Variants in TYW1 observed in about 807,000 individuals in gnomAD.
TYW1 encodes the protein S-adenosyl-L-methionine-dependent tRNA 4-demethylwyosine synthase TYW1.
Under a neutral mutation model 96.2 loss-of-function variants are expected in TYW1, and 46 were observed. The observed-to-expected ratio is 0.48, with a 90% CI of 0.38 to 0.61. The LOEUF is 0.61. Ranked by LOEUF, TYW1 falls within the 20% of genes least tolerant of loss-of-function variation. TYW1 has a pLI of 0.00. For missense variants in TYW1, 684 were observed against 909.6 expected, an observed-to-expected ratio of 0.75 and a Z score of 3.19; for synonymous variants, 274 against 323.0, an observed-to-expected ratio of 0.85 and a Z score of 1.63.
At chr7:67,170,976 G>A (rs1276849311) in intron 13 of TYW1, among the ~76,000 whole-genome samples, 1 of 151,960 alleles carries the variant, frequency 6.6e-6, no homozygotes, top group East Asian at 1.9e-4. Context: ...ATTTTTTTTG[G>A]AAGAGTTTGA....
At chr7:67,216,574 A>G (rs1801202840) in intron 15 of TYW1, among the ~76,000 whole-genome samples, 1 of 146,600 alleles carries the variant, frequency 6.8e-6, no homozygotes, top group Non-Finnish European at 1.5e-5. Context: ...ATTTCACTAG[A>G]ATGCTGTTTA....
chr7:67,204,261 T>C (rs1800696344), intron 15 of TYW1, among the ~76,000 whole-genome samples: 1 of 152,176 alleles, frequency 6.6e-6, no homozygotes, highest in South Asian at 2.1e-4. Context: ...TTTTTTGTTA[T>C]GGTCCCACAG....
intron 4 of TYW1, 191 bp downstream of exon 4, chr7:67,009,875 G>A: frequency 1.7e-6 from 1 of 572,648 alleles, no homozygotes; most frequent in Non-Finnish European, 2.9e-6. Context: ...TTCTCACGTG[G>A]TGTGGGGCTT....
At chr7:67,210,325 A>T (rs1402584353) in intron 15 of TYW1, among the ~76,000 whole-genome samples, 1 of 152,172 alleles carries the variant, frequency 6.6e-6, no homozygotes, top group Admixed American at 6.5e-5. Context: ...TTTTCATCAC[A>T]TCATGTCAAG....
intron 14 of TYW1, among the ~76,000 whole-genome samples, chr7:67,190,810 C>T (rs1800182305): frequency 6.6e-6 from 1 of 152,254 alleles, no homozygotes; most frequent in African/African-American, 2.4e-5. Context: ...TATTTATTTT[C>T]TCATCAAACT....
At chr7:67,140,446 CTT>C (rs1798413483) in intron 13 of TYW1, among the ~76,000 whole-genome samples, 1 of 151,894 alleles carries the variant, frequency 6.6e-6, no homozygotes, top group African/African-American at 2.4e-5. Flanking sequence ...AGTTGGTACA[CTT>C]TTAAAAAATG....
chr7:67,104,688 C>G (rs1010203188), intron 12 of TYW1, among the ~76,000 whole-genome samples: 1 of 152,090 alleles, frequency 6.6e-6, no homozygotes, highest in South Asian at 2.1e-4. Context: ...AAGCAAACAC[C>G]TTAGGCAAAT....
intron 13 of TYW1, among the ~76,000 whole-genome samples, chr7:67,176,265 G>A (rs983156884): frequency 4.6e-5 from 7 of 152,126 alleles, no homozygotes; most frequent in African/African-American, 1.7e-4. Context: ...AAATTTTAAA[G>A]GATCTAAATA....
Position 67,238,564 on chromosome 7 carries a change from C to T in TYW1, c.*35C>T, listed in dbSNP as rs1465783447. The T allele has an allele frequency of 1.3e-6, 2 of 1,599,972 alleles. No individual in the cohort carries two copies. The highest frequency in any genetic ancestry group is 1.7e-6 in the Non-Finnish European group (2 of 1,173,408). On this transcript the variant is annotated 3_prime_UTR_variant, in exon 16 of 16. Coordinates refer to ENST00000359626, the MANE Select transcript of TYW1 (RefSeq NM_018264.4). The stretch of plus-strand genomic sequence containing the variant: ...ATTTCAAGGTACTGAAGGACAAAAA[C>T]TTGGATGGCCTCAAAAGGTTCTTGA...
chr7:67,077,910 T>G (rs537738458), intron 10 of TYW1, among the ~76,000 whole-genome samples: 2 of 152,086 alleles, frequency 1.3e-5, no homozygotes, highest in Non-Finnish European at 2.9e-5. Flanking sequence ...CTGTCTTGAG[T>G]TGATTTTTGT....
At chr7:67,175,869 A>G (rs1248122992) in intron 13 of TYW1, among the ~76,000 whole-genome samples, 1 of 152,242 alleles carries the variant, frequency 6.6e-6, no homozygotes, top group East Asian at 1.9e-4. Flanking sequence ...CATACCCACT[A>G]TATTTATCAC....
Position 67,098,595 on chromosome 7 carries a change from G to A in TYW1, c.1439G>A (p.Cys480Tyr). The change falls in exon 12 of 16, where the codon TGT (cysteine) becomes TAT (tyrosine). Residue 480 changes from cysteine (C) to tyrosine (Y), a missense_variant. By Grantham distance (194) the Cys-to-Tyr change is radical (BLOSUM62 -2). Coordinates refer to ENST00000359626, the MANE Select transcript of TYW1 (RefSeq NM_018264.4). The stretch of plus-strand genomic sequence containing the variant: ...GAAGAAGGAATGACGGTAAAGCACT[G>A]TGCATTGTCCCTCGTGGGAGAACCA... Reference protein sequence around the residue: ...RFEEGMTVKHCALSLVGEPIM... With the variant: ...RFEEGMTVKHYALSLVGEPIM... The A allele has an allele frequency of 4.3e-6, 7 of 1,613,176 alleles. No homozygotes were observed. Among genetic ancestry groups the A allele is most frequent in the Non-Finnish European group, 5.9e-6 (7 of 1,179,690 alleles).
intron 13 of TYW1, among the ~76,000 whole-genome samples, chr7:67,174,892 T>C (rs1799622592): frequency 6.6e-6 from 1 of 152,132 alleles, no homozygotes; most frequent in South Asian, 2.1e-4. Context: ...TTTATGCCAA[T>C]TAATTTGGGA....
At position 67,011,999 on chromosome 7, in the gene TYW1, A is replaced by G. The variant is rs374524562; in HGVS notation, c.375+2315A>G. On this transcript the variant is annotated intron_variant, in intron 4 of 15. Transcript: ENST00000359626. ...CAGTTTTGCCACTGAGGCACAAAAC[A>G]GCCATAGATAATATGTAAATGAATG... Among the ~76,000 whole-genome samples, 8 of 152,130 alleles carry G rather than the reference A, an allele frequency of 5.3e-5. No individual in the cohort carries two copies. The East Asian group carries it at 5.8e-4, about 11-fold the overall frequency.
At chr7:67,147,353 A>G (rs1798640142) in intron 13 of TYW1, among the ~76,000 whole-genome samples, 2 of 152,216 alleles carry the variant, frequency 1.3e-5, no homozygotes, top group South Asian at 2.1e-4. Context: ...TTTGCCATCC[A>G]TGAGGTTCCT....
intron 10 of TYW1, among the ~76,000 whole-genome samples, chr7:67,071,495 C>G (rs567172615): frequency 1.3e-5 from 2 of 151,968 alleles, no homozygotes; most frequent in Non-Finnish European, 2.9e-5. Flanking sequence ...CTCTGTCACC[C>G]AGGCTGTAGT....
At chr7:67,011,056 T>TA (rs1350011197) in intron 4 of TYW1, among the ~76,000 whole-genome samples, 2 of 151,996 alleles carry the variant, frequency 1.3e-5, no homozygotes, top group Non-Finnish European at 2.9e-5. Context: ...TCTTTTTTTT[T>TA]AATGGAGTTT....
At chr7:67,123,181 C>T (rs1797812871) in intron 13 of TYW1, among the ~76,000 whole-genome samples, 1 of 152,134 alleles carries the variant, frequency 6.6e-6, no homozygotes, top group African/African-American at 2.4e-5. Flanking sequence ...CTTAACCCAT[C>T]TGGCTAATCT....
At chr7:67,147,248 GTAAT>G (rs1446252026) in intron 13 of TYW1, among the ~76,000 whole-genome samples, 1 of 152,174 alleles carries the variant, frequency 6.6e-6, no homozygotes, top group Non-Finnish European at 1.5e-5. Context: ...GCTATTGTAA[GTAAT>G]CTAGAGATTA....
Sources: gnomAD v4.1 joint callset for allele counts (sites outside exome capture counted in the v4.1 genomes callset) on GRCh38, gnomAD v4.1.1 for gene constraint, MANE v1.5 for transcripts, NCBI Gene and HGNC (gene_info 2026-07-23, HGNC 2026-07-21) for gene names.